The following NOP58 variants were observed in gnomAD, a reference collection of about 807,000 sequenced individuals.
NOP58 encodes NOP58 ribonucleoprotein.
NOP58 carries 44 observed loss-of-function variants against 71.2 expected under a neutral mutation model. That is an observed-to-expected ratio of 0.62 (90% confidence interval 0.49 to 0.79). The LOEUF (loss-of-function observed/expected upper bound fraction) is 0.79, where lower values mean the gene tolerates loss of function less well. NOP58 is among the 30% of genes least tolerant of loss of function. The probability of loss-of-function intolerance (pLI) is 0.00; values close to 1 mark genes in which losing one functional copy is unlikely to be tolerated. For synonymous variants in NOP58, 228 were observed against 200.3 expected (o/e 1.14, Z -1.17); for missense variants, 538 against 620.2 (o/e 0.87, Z 1.41).
chr2:202,268,765 C>G (rs892009495), intron 1 of NOP58, among the ~76,000 whole-genome samples: 10 of 151,518 alleles, frequency 6.6e-5, no homozygotes, highest in African/African-American at 2.4e-4. Flanking sequence ...GCATGCACCA[C>G]CACGCCCAGC....
At chr2:202,281,418 C>T (rs148646937) in intron 3 of NOP58, among the ~76,000 whole-genome samples, 131 of 152,188 alleles carry the variant, frequency 8.6e-4, no homozygotes, top group Middle Eastern at 3.4e-3. Flanking sequence ...AGCCACCACG[C>T]GCAGCCCAAG....
intron 12 of NOP58, among the ~76,000 whole-genome samples, chr2:202,298,521 G>A (rs1390963069): frequency 1.3e-5 from 2 of 151,942 alleles, no homozygotes; most frequent in African/African-American, 2.4e-5. Flanking sequence ...GTGTGGTGGC[G>A]GGCACCTGGC....
At chr2:202,277,909 G>A in intron 2 of NOP58, 41 bp from the exon 3 acceptor site, 1 of 1,055,240 alleles carries the variant, frequency 9.5e-7, no homozygotes, top group Non-Finnish European at 1.4e-6. Context: ...TCAACGCACT[G>A]CCCCCAATAA....
chr2:202,283,304 AC>A (rs1356053348), intron 4 of NOP58, among the ~76,000 whole-genome samples: 1 of 151,974 alleles, frequency 6.6e-6, no homozygotes, highest in Admixed American at 6.6e-5. Context: ...ATCTCGGCTC[AC>A]TGCAACCTCT....
intron 1 of NOP58, among the ~76,000 whole-genome samples, chr2:202,274,126 C>T (rs1490372044): frequency 1.3e-5 from 2 of 152,054 alleles, no homozygotes; most frequent in Admixed American, 6.6e-5. Context: ...TCACAATTGA[C>T]GATAGTTTTA....
At chr2:202,299,248 GC>G (rs1316125667) in intron 12 of NOP58, among the ~76,000 whole-genome samples, 1 of 152,088 alleles carries the variant, frequency 6.6e-6, no homozygotes, top group Non-Finnish European at 1.5e-5. Context: ...GTGAGCCACA[GC>G]ACCCGGCCTC....
chr2:202,298,146 C>A (rs1249239787), intron 12 of NOP58, among the ~76,000 whole-genome samples: 2 of 152,054 alleles, frequency 1.3e-5, no homozygotes, highest in Non-Finnish European at 2.9e-5. Context: ...GGTGAGGACA[C>A]CTTAAAATCT....
chr2:202,292,009 CAG>C (rs1367841532), intron 8 of NOP58, among the ~76,000 whole-genome samples: 2 of 55,906 alleles, frequency 3.6e-5, no homozygotes, highest in Non-Finnish European at 6.9e-5. Context: ...TTTTTTGAGA[CAG>C]AGTCTCACCC....
chr2:202,288,518 G>T (rs1688830310), intron 6 of NOP58, among the ~76,000 whole-genome samples: 1 of 149,034 alleles, frequency 6.7e-6, no homozygotes, highest in Non-Finnish European at 1.5e-5. Context: ...AATCTTAATC[G>T]TTTTTCTATT....
Position 202,282,345 on chromosome 2 carries a change from G to C in NOP58, c.176-6G>C, listed in dbSNP as rs763331409. On this transcript the variant is annotated splice_polypyrimidine_tract_variant and splice_region_variant and intron_variant, in intron 3 of 14. Transcript: ENST00000264279. Reference sequence around the variant, plus strand: ...TAATGCTTTTGTTTTTCTTTTTCTTGAAAAGCATTCACAGCTCTGATGGAG... The same window carrying C: ...TAATGCTTTTGTTTTTCTTTTTCTTCAAAAGCATTCACAGCTCTGATGGAG... 1 of 1,589,214 alleles carries C rather than the reference G, an allele frequency of 6.3e-7. No individual in the cohort carries two copies. The highest frequency in any genetic ancestry group is 8.5e-7 in the Non-Finnish European group (1 of 1,174,120).
chr2:202,297,354 A>G, intron 10 of NOP58, 25 bp from the exon 11 acceptor site: 10 of 1,606,612 alleles, frequency 6.2e-6, no homozygotes, highest in South Asian at 1.1e-5. Flanking sequence ...AACATGGAAT[A>G]TAGTTCTTCA....
At chr2:202,275,378 T>G (rs1688574652) in intron 2 of NOP58, 189 bp downstream of exon 2, 2 of 503,946 alleles carry the variant, frequency 4.0e-6, no homozygotes, top group Non-Finnish European at 7.2e-6. Flanking sequence ...CTCAATTAAT[T>G]TGAAGGCAGT....
intron 2 of NOP58, among the ~76,000 whole-genome samples, chr2:202,277,732 A>G (rs1369708026): frequency 6.6e-6 from 1 of 152,184 alleles, no homozygotes; most frequent in African/African-American, 2.4e-5. Flanking sequence ...CAAAGCCTAC[A>G]ACTTTCTTTT....
intron 6 of NOP58, 70 bp downstream of exon 6, chr2:202,287,794 T>G: frequency 8.7e-7 from 1 of 1,146,758 alleles, no homozygotes; most frequent in Non-Finnish European, 1.3e-6. Context: ...GTTGAAACTA[T>G]CTTTTATGAT....
At chr2:202,288,890 G>A (rs574943001) in intron 6 of NOP58, among the ~76,000 whole-genome samples, 4 of 152,100 alleles carry the variant, frequency 2.6e-5, no homozygotes, top group South Asian at 4.2e-4. Flanking sequence ...AGGCCAAGGC[G>A]GGTGAATTGC....
chr2:202,293,098 A>T, intron 9 of NOP58, 195 bp downstream of exon 9: 1 of 757,256 alleles, frequency 1.3e-6, no homozygotes. Flanking sequence ...CTTTTGGATA[A>T]TGAAGGCATC....
At chr2:202,269,505 A>C (rs550436221) in intron 1 of NOP58, among the ~76,000 whole-genome samples, 1 of 152,170 alleles carries the variant, frequency 6.6e-6, no homozygotes. Context: ...GTTATTGCTC[A>C]TTAACAGGGT....
Position 202,297,388 on chromosome 2 carries a change from A to T in NOP58, c.1081A>T (p.Met361Leu). Residue 361 changes from methionine to leucine, a missense_variant, in exon 11 of 15, where the codon ATG becomes TTG. Coordinates refer to ENST00000264279, the MANE Select transcript of NOP58 (RefSeq NM_015934.5). Reference protein sequence around the residue: ...SPKHKGKISRMLAAKTVLAIR... With the variant: ...SPKHKGKISRLLAAKTVLAIR... ...CATGTTTTTCTATTAGATTTCTCGAATGCTGGCAGCCAAAACCGTTTTGGC... is the reference window on the plus strand; with the variant it reads ...CATGTTTTTCTATTAGATTTCTCGATTGCTGGCAGCCAAAACCGTTTTGGC... 1 of 1,612,000 alleles carries T rather than the reference A, an allele frequency of 6.2e-7. No individual in the cohort carries two copies. The highest frequency in any genetic ancestry group is 8.5e-7 in the Non-Finnish European group (1 of 1,178,994).
intron 9 of NOP58, among the ~76,000 whole-genome samples, chr2:202,294,873 G>A (rs1217466190): frequency 2.6e-5 from 4 of 151,712 alleles, no homozygotes; most frequent in Non-Finnish European, 5.9e-5. Flanking sequence ...GGCTGAGGCA[G>A]AGAATTGCTT....
Sources: allele counts gnomAD v4.1 joint callset (sites outside exome capture counted in the v4.1 genomes callset), GRCh38; gene constraint gnomAD v4.1.1; transcripts MANE v1.5; gene names NCBI Gene and HGNC (gene_info 2026-07-23, HGNC 2026-07-21).